The following DOCK1 variants were observed in gnomAD, a reference collection of about 807,000 sequenced individuals.
DOCK1 encodes the protein dedicator of cytokinesis protein 1.
A neutral mutation model predicts 262.7 loss-of-function variants in DOCK1; 138 were observed. The observed-to-expected ratio is 0.53, with a 90% CI of 0.46 to 0.61. The LOEUF is 0.61. Among genes scored for constraint, DOCK1 ranks in the 20% least tolerant of loss-of-function variants. The pLI, the probability that DOCK1 is intolerant of heterozygous loss-of-function variation, is 0.00. For missense variants in DOCK1, 1,908 were observed against 2,370.7 expected (o/e 0.80, Z 4.05); for synonymous variants, 866 against 867.4 (o/e 1.00, Z 0.03).
At chr10:126,952,586 G>T in intron 1 of DOCK1, among the ~76,000 whole-genome samples, 1 of 151,426 alleles carries the variant, frequency 6.6e-6, no homozygotes, top group East Asian at 1.9e-4. Context: ...ATGTAGTATT[G>T]TTGGTACTGT....
chr10:126,967,994 T>A (rs1178836567), intron 1 of DOCK1, among the ~76,000 whole-genome samples: 1 of 152,026 alleles, frequency 6.6e-6, no homozygotes, highest in African/African-American at 2.4e-5. Flanking sequence ...TCTTGTAATT[T>A]TAGTAGAGAC....
At chr10:127,032,113 C>T (rs1297716173) in intron 17 of DOCK1, 24 bp from the exon 18 acceptor site, 5 of 1,570,212 alleles carry the variant, frequency 3.2e-6, no homozygotes, top group Middle Eastern at 1.7e-4. Context: ...TTGCCTTTGA[C>T]ATACGGCATG....
intron 1 of DOCK1, among the ~76,000 whole-genome samples, chr10:126,926,702 C>G (rs1467185914): frequency 1.3e-5 from 2 of 152,136 alleles, no homozygotes; most frequent in African/African-American, 2.4e-5. Context: ...AGAGGAGGGA[C>G]ACGTGAGAAC....
chr10:127,374,093 C>T lies in DOCK1; in HGVS notation c.3554C>T (p.Ala1185Val). ...CACTGCAGGAAGCACAAATACCTCG[C>T]CAAAACAGGAGAAACTTTTGTAAAA... is the stretch of plus-strand genomic sequence containing the variant. ...LEHCRKHKYL[A>V]KTGETFVKLV... The change falls in exon 35 of 52, where the codon GCC becomes GTC. Residue 1185 changes from alanine (A) to valine (V), a missense_variant. By Grantham distance (64) the Ala-to-Val change is moderately conservative. Transcript: ENST00000623213. 1.2e-6 allele frequency: 2 copies of T among 1,613,150 alleles called. No homozygotes were observed. Among genetic ancestry groups the T allele is most frequent in the Middle Eastern group, 1.7e-4 (1 of 6,060 alleles).
intron 23 of DOCK1, among the ~76,000 whole-genome samples, chr10:127,087,576 A>G (rs1369593641): frequency 1.3e-5 from 2 of 152,052 alleles, no homozygotes; most frequent in African/African-American, 4.8e-5. Flanking sequence ...TGGGCGAGGG[A>G]GACTCCTTAA....
In DOCK1 at chr10:126,911,142, G is replaced by T. The variant is rs1033720634; in HGVS notation, c.46+5579G>T. ...TGCCAAACTTTCCTGGAGTAACTGT[G>T]CCAGTTCACATTCTCACCAGCAGTG... On this transcript the variant is annotated intron_variant, in intron 1 of 51. Coordinates refer to ENST00000623213, the MANE Select transcript of DOCK1 (RefSeq NM_001290223.2). Among the ~76,000 whole-genome samples, 28 of 152,176 alleles carry T rather than the reference G, an allele frequency of 1.8e-4. 1 individual carries two copies. The highest frequency in any genetic ancestry group is 8.8e-5 in the Non-Finnish European group (6 of 68,034).
chr10:127,044,219 A>G (rs2044195956), intron 21 of DOCK1, among the ~76,000 whole-genome samples: 1 of 152,106 alleles, frequency 6.6e-6, no homozygotes, highest in South Asian at 2.1e-4. Context: ...CCCTGTGTGC[A>G]GTCATGAACT....
At chr10:127,322,291 G>A (rs1409988491) in intron 29 of DOCK1, among the ~76,000 whole-genome samples, 2 of 151,094 alleles carry the variant, frequency 1.3e-5, no homozygotes, top group Admixed American at 6.6e-5. Flanking sequence ...CAGGGTTCAA[G>A]TGATCCTCCC....
chr10:127,062,776 C>T (rs1461707885), intron 23 of DOCK1, among the ~76,000 whole-genome samples: 1 of 152,202 alleles, frequency 6.6e-6, no homozygotes, highest in African/African-American at 2.4e-5. Context: ...ATGTTTTACA[C>T]CTAATTTCTC....
rs1255950276 is a variant in DOCK1 at position 126,918,954 on chromosome 10, A to ATGGAGGATTTGGAGGAGGAGAAAGT, written c.46+13391_46+13392insTGGAGGATTTGGAGGAGGAGAAAGT. ...GGAGAAAGTCAAGGTGCAGATGGGC[A>ATGGAGGATTTGGAGGAGGAGAAAGT]CAGAGGATTTGGAGGAGGAGAAAGC... On this transcript the variant is annotated intron_variant, in intron 1 of 51. Transcript: ENST00000623213. Among the ~76,000 whole-genome samples, 11 of 150,004 alleles carry ATGGAGGATTTGGAGGAGGAGAAAGT rather than the reference A, an allele frequency of 7.3e-5. 1 individual carries two copies. In the East Asian group the frequency reaches 2.1e-3, roughly 29 times the overall value.
chr10:127,099,178 T>G (rs900035124), intron 23 of DOCK1, among the ~76,000 whole-genome samples: 1 of 152,176 alleles, frequency 6.6e-6, no homozygotes, highest in Admixed American at 6.5e-5. Flanking sequence ...AGAGGAATGC[T>G]TCTTGAAAAT....
intron 1 of DOCK1, among the ~76,000 whole-genome samples, chr10:126,932,847 C>T (rs1289480387): frequency 1.6e-4 from 24 of 152,214 alleles, no homozygotes; most frequent in African/African-American, 5.8e-4. Context: ...TTTCCCTCAC[C>T]GCAGGTGCCC....
intron 31 of DOCK1, among the ~76,000 whole-genome samples, chr10:127,353,167 G>A (rs2063969744): frequency 6.6e-6 from 1 of 152,144 alleles, no homozygotes; most frequent in South Asian, 2.1e-4. Flanking sequence ...AACCTCAGAG[G>A]AAAGATTAGA....
intron 27 of DOCK1, among the ~76,000 whole-genome samples, chr10:127,133,778 A>G (rs2050471344): frequency 6.6e-6 from 1 of 152,240 alleles, no homozygotes; most frequent in Non-Finnish European, 1.5e-5. Flanking sequence ...CAAAATGTAT[A>G]GGATCCACTG....
intron 28 of DOCK1, among the ~76,000 whole-genome samples, chr10:127,255,835 A>G (rs150180864): frequency 6.9e-4 from 105 of 152,388 alleles, no homozygotes; most frequent in African/African-American, 2.1e-3. Flanking sequence ...ATGTGACTGA[A>G]TTACGGTACT....
chr10:126,917,878 C>G (rs1021495339), intron 1 of DOCK1, among the ~76,000 whole-genome samples: 3 of 152,162 alleles, frequency 2.0e-5, no homozygotes, highest in Admixed American at 6.5e-5. Flanking sequence ...GCGCATAAAG[C>G]TGTGAGTTTT....
chr10:127,169,291 A>C (rs1186206962), intron 27 of DOCK1, among the ~76,000 whole-genome samples: 1 of 152,000 alleles, frequency 6.6e-6, no homozygotes, highest in East Asian at 1.9e-4. Flanking sequence ...TGAACTGTGA[A>C]CCCCTCAAAG....
intron 1 of DOCK1, among the ~76,000 whole-genome samples, chr10:126,961,295 A>T (rs2037197863): frequency 6.6e-6 from 1 of 152,114 alleles, no homozygotes; most frequent in Non-Finnish European, 1.5e-5. Flanking sequence ...CTTTTTAGAA[A>T]TGTGGGGTGG....
chr10:126,948,615 A>G (rs1249881780), intron 1 of DOCK1, among the ~76,000 whole-genome samples: 1 of 152,024 alleles, frequency 6.6e-6, no homozygotes, highest in South Asian at 2.1e-4. Flanking sequence ...CCACAGATGG[A>G]GAAGGAAAGT....
Sources: gnomAD v4.1 joint callset for allele counts (sites outside exome capture counted in the v4.1 genomes callset) on GRCh38, gnomAD v4.1.1 for gene constraint, MANE v1.5 for transcripts, NCBI Gene and HGNC (gene_info 2026-07-23, HGNC 2026-07-21) for gene names.